The following SEMA3E variants were observed in gnomAD, a reference collection of about 807,000 sequenced individuals.
SEMA3E encodes semaphorin 3E.
A neutral mutation model predicts 93.6 loss-of-function variants in SEMA3E; 49 were observed. That is an observed-to-expected ratio of 0.52 (90% CI 0.42 to 0.66). The LOEUF (loss-of-function observed/expected upper bound fraction) is 0.66, where lower values mean the gene tolerates loss of function less well. Among genes scored for constraint, SEMA3E ranks in the 30% least tolerant of loss-of-function variants. The pLI is 0.00. For missense variants in SEMA3E, 906 were observed against 964.8 expected, an observed-to-expected ratio of 0.94 and a Z score of 0.81; for synonymous variants, 363 against 330.7, an observed-to-expected ratio of 1.10 and a Z score of -1.06.
chr7:83,411,383 C>T (rs1788436512), intron 5 of SEMA3E, among the ~76,000 whole-genome samples: 2 of 151,930 alleles, frequency 1.3e-5, no homozygotes, highest in African/African-American at 4.8e-5. Context: ...CTGTAAGCAA[C>T]GTAAATAGAA....
intron 1 of SEMA3E, among the ~76,000 whole-genome samples, chr7:83,519,885 G>T (rs1791009400): frequency 6.6e-6 from 1 of 152,058 alleles, no homozygotes; most frequent in Admixed American, 6.6e-5. Flanking sequence ...ACTTGCCCAA[G>T]GACACAGACT....
chr7:83,482,997 A>T (rs1215440459), intron 2 of SEMA3E, among the ~76,000 whole-genome samples: 1 of 152,118 alleles, frequency 6.6e-6, no homozygotes, highest in Non-Finnish European at 1.5e-5. Context: ...AGAGTAAGTC[A>T]TGAAGAACTA....
chr7:83,510,429 T>C (rs1179333727), intron 1 of SEMA3E, among the ~76,000 whole-genome samples: 3 of 152,204 alleles, frequency 2.0e-5, no homozygotes, highest in Non-Finnish European at 4.4e-5. Context: ...CACATTTATA[T>C]GATTTTAACA....
At chr7:83,534,929 A>T (rs1791383617) in intron 1 of SEMA3E, among the ~76,000 whole-genome samples, 5 of 152,220 alleles carry the variant, frequency 3.3e-5, no homozygotes, top group Admixed American at 1.3e-4. Flanking sequence ...ATAGGATTTT[A>T]TCCTCGGGGC....
At chr7:83,458,807 T>C (rs1420891777) in intron 4 of SEMA3E, among the ~76,000 whole-genome samples, 2 of 150,524 alleles carry the variant, frequency 1.3e-5, no homozygotes, top group African/African-American at 2.4e-5. Flanking sequence ...CTGTGTGTCT[T>C]AGATCAATGC....
chr7:83,385,268 G>A (rs1302447923), intron 16 of SEMA3E, 26 bp downstream of exon 16: 1 of 1,610,884 alleles, frequency 6.2e-7, no homozygotes. Flanking sequence ...AAAATACTAT[G>A]TTTTGAATAT....
chr7:83,410,554 A>C (rs963431667), intron 5 of SEMA3E, among the ~76,000 whole-genome samples: 1 of 152,128 alleles, frequency 6.6e-6, no homozygotes, highest in South Asian at 2.1e-4. Context: ...ATTTTTTATC[A>C]AAGTCATTTA....
chr7:83,418,890 T>TC (rs71074655), intron 4 of SEMA3E, among the ~76,000 whole-genome samples: 80,745 of 151,878 alleles, frequency 0.53, 23,342 homozygotes, highest in East Asian at 0.84. Context: ...GTTGATTTTT[T>TC]TATAAATTAG....
chr7:83,473,944 C>T (rs762353252), intron 2 of SEMA3E, among the ~76,000 whole-genome samples: 5 of 151,680 alleles, frequency 3.3e-5, no homozygotes, highest in Non-Finnish European at 5.9e-5. Flanking sequence ...AAATACAAAA[C>T]TAGCCAGGCG....
chr7:83,398,717 G>A (rs529790221), intron 11 of SEMA3E, among the ~76,000 whole-genome samples: 7 of 152,306 alleles, frequency 4.6e-5, no homozygotes, highest in African/African-American at 1.7e-4. Context: ...GCTGAGGCAG[G>A]TGGATCACCT....
chr7:83,431,406 G>A (rs527598405), intron 4 of SEMA3E, among the ~76,000 whole-genome samples: 2 of 151,770 alleles, frequency 1.3e-5, no homozygotes, highest in Admixed American at 6.6e-5. Context: ...ACACTAACGG[G>A]TAAGTTAAAA....
chr7:83,389,985 G>A (rs987874262), intron 14 of SEMA3E, among the ~76,000 whole-genome samples: 5 of 35,228 alleles, frequency 1.4e-4, no homozygotes, highest in East Asian at 1.5e-3. Flanking sequence ...ATATATACGC[G>A]TATATGTGTA....
At chr7:83,640,726 T>C (rs73708516) in intron 1 of SEMA3E, among the ~76,000 whole-genome samples, 1 of 152,224 alleles carries the variant, frequency 6.6e-6, no homozygotes, top group Non-Finnish European at 1.5e-5. Context: ...ACTAAAAGTA[T>C]GTTTTCTTTC....
intron 1 of SEMA3E, among the ~76,000 whole-genome samples, chr7:83,563,635 G>A (rs1201478510): frequency 6.6e-6 from 1 of 152,192 alleles, no homozygotes; most frequent in Non-Finnish European, 1.5e-5. Flanking sequence ...GAGAGCCCCT[G>A]CTCTTATGCC....
At chr7:83,431,094 GAA>G (rs869043431) in intron 4 of SEMA3E, among the ~76,000 whole-genome samples, 1 of 8,444 alleles carries the variant, frequency 1.2e-4, no homozygotes, top group African/African-American at 1.5e-4. Context: ...AGAAAAAAAA[GAA>G]AAAAAAAAAA....
At chr7:83,613,194 A>G (rs991434546) in intron 1 of SEMA3E, among the ~76,000 whole-genome samples, 1 of 152,058 alleles carries the variant, frequency 6.6e-6, no homozygotes, top group Admixed American at 6.6e-5. Context: ...GTCCGAAAAC[A>G]ATGGAGACCC....
intron 4 of SEMA3E, among the ~76,000 whole-genome samples, chr7:83,424,576 C>A (rs189396483): frequency 1.3e-5 from 2 of 152,256 alleles, no homozygotes; most frequent in Admixed American, 6.5e-5. Flanking sequence ...AATCTCTTTA[C>A]CTTAATTGAA....
chr7:83,491,160 G>A (rs1280739254), intron 1 of SEMA3E, among the ~76,000 whole-genome samples: 1 of 151,970 alleles, frequency 6.6e-6, no homozygotes, highest in Non-Finnish European at 1.5e-5. Flanking sequence ...TTAGTGACGA[G>A]GACTCTAAAA....
At chr7:83,440,605 A>G (rs1789092808) in intron 4 of SEMA3E, among the ~76,000 whole-genome samples, 1 of 152,164 alleles carries the variant, frequency 6.6e-6, no homozygotes. Context: ...CCATTCCCCT[A>G]TAATGGGAAG....
Sources: gnomAD v4.1 joint callset for allele counts (sites outside exome capture counted in the v4.1 genomes callset) on GRCh38, gnomAD v4.1.1 for gene constraint, MANE v1.5 for transcripts, NCBI Gene and HGNC (gene_info 2026-07-23, HGNC 2026-07-21) for gene names.